The following ANKFY1 variants were observed in gnomAD, a reference collection of about 807,000 sequenced individuals.
ANKFY1 encodes the protein ankyrin repeat and FYVE domain containing 1.
A neutral mutation model predicts 128.3 loss-of-function variants in ANKFY1; 47 were observed. The ratio of observed to expected loss-of-function variants is 0.37; its 90% CI spans 0.29 to 0.47. ANKFY1 has a LOEUF of 0.47. Ranked by LOEUF, ANKFY1 falls within the 20% of genes least tolerant of loss-of-function variation. The probability of loss-of-function intolerance (pLI) is 1.00; values close to 1 mark genes in which losing one functional copy is unlikely to be tolerated. For synonymous variants in ANKFY1, 553 were observed against 601.6 expected, an observed-to-expected ratio of 0.92 and a Z score of 1.18; for missense variants, 1,222 against 1,510.6, an observed-to-expected ratio of 0.81 and a Z score of 3.17.
At chr17:4,207,789 T>C (rs903215893) in intron 6 of ANKFY1, 144 bp downstream of exon 6, 5 of 770,746 alleles carry the variant, frequency 6.5e-6, no homozygotes, top group Non-Finnish European at 7.4e-6. Flanking sequence ...AAAGCTCAGA[T>C]TGCCTTGAAC....
At chr17:4,203,513 A>G (rs1345680057) in intron 7 of ANKFY1, among the ~76,000 whole-genome samples, 4 of 152,158 alleles carry the variant, frequency 2.6e-5, no homozygotes, top group Non-Finnish European at 4.4e-5. Flanking sequence ...TAACAGGAAC[A>G]ATCTACTGAA....
chr17:4,201,176 G>A (rs973763563), intron 7 of ANKFY1, among the ~76,000 whole-genome samples: 2 of 152,112 alleles, frequency 1.3e-5, no homozygotes, highest in African/African-American at 2.4e-5. Context: ...GGGTACAGGC[G>A]CATGCCACCC....
At chr17:4,187,849 G>C (rs909605279) in intron 11 of ANKFY1, 4 of 152,226 alleles carry the variant, frequency 2.6e-5, no homozygotes, top group Non-Finnish European at 4.4e-5. Flanking sequence ...TGTATTTTTA[G>C]TAGGGACAGG....
rs1377022611 is a variant in ANKFY1 at position 4,222,042 on chromosome 17, TTGA to T, written c.323-4927_323-4925del. 2 of 151,998 alleles carry T rather than the reference TTGA, an allele frequency of 1.3e-5. 1 individual carries two copies. Among genetic ancestry groups the T allele is most frequent in the African/African-American group, 4.8e-5 (2 of 41,430 alleles). 9.4% of individuals were successfully genotyped at this position (151,998 alleles called of 1,614,324 possible). On this transcript the variant is annotated intron_variant, in intron 3 of 24. Coordinates refer to ENST00000341657, the MANE Select transcript of ANKFY1 (RefSeq NM_001330063.2). Reference sequence around the variant, plus strand: ...CTGCTGGCTGCCACAGGCTAGCGGCTTGATGAATTGGGCAGCCGCCCTAGGCTC... The same window carrying T: ...CTGCTGGCTGCCACAGGCTAGCGGCTTGAATTGGGCAGCCGCCCTAGGCTC...
intron 1 of ANKFY1, among the ~76,000 whole-genome samples, chr17:4,243,857 G>A (rs1453163746): frequency 3.3e-5 from 5 of 152,132 alleles, no homozygotes; most frequent in African/African-American, 1.2e-4. Flanking sequence ...GGCGCTGGGC[G>A]CTGCACGATG....
Position 4,212,770 on chromosome 17 carries a change from C to CTT in ANKFY1, c.459-2825_459-2824dup, listed in dbSNP as rs35264086. The stretch of plus-strand genomic sequence containing the variant: ...AGACCTGGGCAGAATGCAGAACACA[C>CTT]TTTTTTTTTTTTTTTTTTTGAGACG... On this transcript the variant is annotated intron_variant, in intron 4 of 24. Coordinates refer to ENST00000341657, the MANE Select transcript of ANKFY1 (RefSeq NM_001330063.2). Among the ~76,000 whole-genome samples, 280 of 130,830 alleles carry CTT rather than the reference C, an allele frequency of 2.1e-3. 2 individuals carry two copies. The highest frequency in any genetic ancestry group is 5.3e-3 in the African/African-American group (188 of 35,562). 85.8% of individuals were successfully genotyped at this position (130,830 alleles called of 152,430 possible).
At chr17:4,226,620 G>A (rs2060430218) in intron 3 of ANKFY1, among the ~76,000 whole-genome samples, 1 of 151,822 alleles carries the variant, frequency 6.6e-6, no homozygotes, top group Non-Finnish European at 1.5e-5. Flanking sequence ...GCGCATGCCT[G>A]CAATCCCAGC....
chr17:4,209,713 A>C (rs1483688391), intron 5 of ANKFY1, 111 bp downstream of exon 5: 2 of 1,243,860 alleles, frequency 1.6e-6, no homozygotes, highest in African/African-American at 1.5e-5. Flanking sequence ...CAATTGTGTA[A>C]CAAGAGAAAA....
chr17:4,261,425 A>G (rs765548420), intron 1 of ANKFY1, among the ~76,000 whole-genome samples: 1 of 152,200 alleles, frequency 6.6e-6, no homozygotes, highest in African/African-American at 2.4e-5. Context: ...GGCTGTGGTG[A>G]GCCAAGATTG....
In ANKFY1 at chr17:4,246,903, T is replaced by C. The variant is rs531583326; in HGVS notation, c.11-4455A>G. Among the ~76,000 whole-genome samples the C allele has an allele frequency of 1.4e-4, 22 of 152,064 alleles. No homozygotes were observed. The East Asian group carries it at 3.3e-3, about 23-fold the overall frequency. ...CAGGCAGGAGGATCTCTAAAGCCCA[T>C]GAGTTTGAGACCAGCCTGGGCAACA... On this transcript the variant is annotated intron_variant, in intron 1 of 24. Transcript: ENST00000341657.
chr17:4,237,782 C>A (rs7502232), intron 2 of ANKFY1, among the ~76,000 whole-genome samples: 1 of 152,126 alleles, frequency 6.6e-6, no homozygotes, highest in Admixed American at 6.6e-5. Context: ...CATGAGGATT[C>A]TATGTTGAAA....
chr17:4,183,264 G>GT (rs2059548125), intron 14 of ANKFY1, 134 bp downstream of exon 14: 2 of 1,032,688 alleles, frequency 1.9e-6, no homozygotes, highest in Non-Finnish European at 1.4e-6. Flanking sequence ...CCGCAGTTGT[G>GT]TGTTTCTAGA....
At position 4,184,872 on chromosome 17, in the gene ANKFY1, T is replaced by C. The variant is rs1303697256; in HGVS notation, c.1645A>G (p.Met549Val). The C allele has an allele frequency of 3.7e-6, 6 of 1,614,030 alleles. No homozygotes were observed. Among genetic ancestry groups the C allele is most frequent in the East Asian group, 2.2e-5 (1 of 44,884 alleles). ...TCCGGATGGTTATAGGCGATCGCCATGTGCAGTGGCGTCTGCAGATGGACG... is the reference window on the plus strand; with the variant it reads ...TCCGGATGGTTATAGGCGATCGCCACGTGCAGTGGCGTCTGCAGATGGACG... ...DSVHLQTPLH[M>V]AIAYNHPDVV... Residue 549 changes from methionine (M) to valine (V), a missense_variant, in exon 12 of 25, where the codon ATG becomes GTG. By Grantham distance (21) the Met-to-Val change is conservative. Transcript: ENST00000341657.
chr17:4,209,309 G>C (rs191123784), intron 5 of ANKFY1, among the ~76,000 whole-genome samples: 1 of 151,772 alleles, frequency 6.6e-6, no homozygotes, highest in Non-Finnish European at 1.5e-5. Flanking sequence ...TATCTTTTTT[G>C]GGGGGGCGGG....
chr17:4,228,418 T>G (rs1598112745), intron 3 of ANKFY1, among the ~76,000 whole-genome samples: 1 of 67,708 alleles, frequency 1.5e-5, no homozygotes, highest in South Asian at 5.1e-4. Context: ...TTTTTGTTAG[T>G]TTTTTTTTTT....
chr17:4,224,059 T>A (rs886208401), intron 3 of ANKFY1, among the ~76,000 whole-genome samples: 1 of 152,238 alleles, frequency 6.6e-6, no homozygotes, highest in African/African-American at 2.4e-5. Flanking sequence ...CAAAATTTTT[T>A]AAAACATAGT....
At chr17:4,200,402 A>G (rs886746962) in intron 7 of ANKFY1, among the ~76,000 whole-genome samples, 16 of 152,150 alleles carry the variant, frequency 1.1e-4, no homozygotes, top group Admixed American at 7.2e-4. Context: ...CATCTTCCAA[A>G]TAAAAATCAT....
At chr17:4,191,024 G>C (rs2059706435) in intron 10 of ANKFY1, among the ~76,000 whole-genome samples, 1 of 152,172 alleles carries the variant, frequency 6.6e-6, no homozygotes, top group Non-Finnish European at 1.5e-5. Context: ...TGTAATCTCA[G>C]CTACTCAGGA....
intron 5 of ANKFY1, among the ~76,000 whole-genome samples, chr17:4,209,355 C>T (rs1376847166): frequency 6.6e-6 from 1 of 152,180 alleles, no homozygotes; most frequent in African/African-American, 2.4e-5. Context: ...GGCTGGAGTG[C>T]AGTGGCGCGA....
Sources: allele counts gnomAD v4.1 joint callset (sites outside exome capture counted in the v4.1 genomes callset), GRCh38; gene constraint gnomAD v4.1.1; transcripts MANE v1.5; gene names NCBI Gene and HGNC (gene_info 2026-07-23, HGNC 2026-07-21).